The following TBC1D19 variants were observed in gnomAD, a reference collection of about 807,000 sequenced individuals.
TBC1D19 encodes the protein TBC1 domain family, member 19.
Under a neutral mutation model 89.0 loss-of-function variants are expected in TBC1D19, and 60 were observed. The observed-to-expected ratio is 0.67, with a 90% CI of 0.55 to 0.84. The LOEUF (loss-of-function observed/expected upper bound fraction) is 0.84, where lower values mean the gene tolerates loss of function less well. Ranked by LOEUF, TBC1D19 falls within the 40% of genes least tolerant of loss-of-function variation. The probability of loss-of-function intolerance (pLI) is 0.00; values close to 1 mark genes in which losing one functional copy is unlikely to be tolerated. For synonymous variants in TBC1D19, 189 were observed against 199.7 expected, an observed-to-expected ratio of 0.95 and a Z score of 0.45; for missense variants, 500 against 610.8, an observed-to-expected ratio of 0.82 and a Z score of 1.91.
At chr4:26,585,024 G>C in intron 1 of TBC1D19, 1 of 211,082 alleles carries the variant, frequency 4.7e-6, no homozygotes, top group South Asian at 5.7e-5. Context: ...AATGTACAAT[G>C]GCTTGTTTAT....
At chr4:26,793,792 G>C in the TBC1D19 span, among the ~76,000 whole-genome samples, 3 of 150,752 alleles carry the variant, frequency 2.0e-5, no homozygotes, top group Non-Finnish European at 4.4e-5. Flanking sequence ...TTTATTCTCA[G>C]ACTTCATTCT....
At chr4:26,643,954 T>A (rs1343016974) in intron 7 of TBC1D19, among the ~76,000 whole-genome samples, 1 of 151,838 alleles carries the variant, frequency 6.6e-6, no homozygotes, top group Non-Finnish European at 1.5e-5. Flanking sequence ...CCAAAAGAAG[T>A]CTATGACGAG....
chr4:26,646,108 G>A (rs1743922891), intron 7 of TBC1D19, among the ~76,000 whole-genome samples: 1 of 138,096 alleles, frequency 7.2e-6, no homozygotes, highest in Non-Finnish European at 1.5e-5. Flanking sequence ...GGGCGACAGA[G>A]CGAGACTCCG....
At chr4:26,855,364 A>G in the TBC1D19 span, among the ~76,000 whole-genome samples, 1 of 152,148 alleles carries the variant, frequency 6.6e-6, no homozygotes, top group African/African-American at 2.4e-5. Flanking sequence ...ACTCAAAACG[A>G]GCTCTTGTTT....
chr4:26,706,271 C>G (rs995263896), intron 13 of TBC1D19, among the ~76,000 whole-genome samples: 1 of 152,084 alleles, frequency 6.6e-6, no homozygotes, highest in Non-Finnish European at 1.5e-5. Flanking sequence ...CTTTGTGTTT[C>G]TAGAAATTTG....
the TBC1D19 span, among the ~76,000 whole-genome samples, chr4:26,777,562 C>T: frequency 6.6e-6 from 1 of 152,116 alleles, no homozygotes; most frequent in African/African-American, 2.4e-5. Context: ...CTTCAGCCTC[C>T]AGAGTAGCTG....
intron 3 of TBC1D19, among the ~76,000 whole-genome samples, chr4:26,620,191 C>T (rs1051965460): frequency 2.6e-5 from 4 of 152,134 alleles, no homozygotes; most frequent in African/African-American, 9.7e-5. Flanking sequence ...ATTCTTCCCC[C>T]AGATCTTTGC....
chr4:26,673,820 C>G lies in TBC1D19; in HGVS notation c.748C>G (p.Gln250Glu). ...DSAAAQQYIR[Q>E]GSPTALRAEL... ...TGCTGCTGCTCAACAGTACATCAGA[C>G]AAGGAAGTCCCACGGCACTGAGAGC... The change falls in exon 11 of 21, where the codon CAA becomes GAA. Residue 250 changes from glutamine (Q) to glutamate (E), a missense_variant. Gln to Glu is a conservative substitution (Grantham distance 29, BLOSUM62 2). Coordinates refer to ENST00000264866, the MANE Select transcript of TBC1D19 (RefSeq NM_018317.4). 6.2e-7 allele frequency: 1 copy of G among 1,611,096 alleles called. No homozygotes were observed. Among genetic ancestry groups the G allele is most frequent in the South Asian group, 1.1e-5 (1 of 90,854 alleles).
At chr4:26,777,339 T>C in the TBC1D19 span, among the ~76,000 whole-genome samples, 1 of 152,086 alleles carries the variant, frequency 6.6e-6, no homozygotes, top group Non-Finnish European at 1.5e-5. Context: ...TTCATCATAT[T>C]GGTCAGGTTG....
chr4:26,683,845 T>C (rs1713570602), intron 12 of TBC1D19, 96 bp downstream of exon 12: 7 of 964,298 alleles, frequency 7.3e-6, no homozygotes, highest in Non-Finnish European at 1.1e-5. Flanking sequence ...TGATATATAT[T>C]AACCTTGAAA....
chr4:26,661,818 A>G (rs1030459459), intron 8 of TBC1D19, among the ~76,000 whole-genome samples: 2 of 152,178 alleles, frequency 1.3e-5, no homozygotes, highest in African/African-American at 4.8e-5. Context: ...CAGCCATCCA[A>G]ATGCTACTTC....
rs1740851383 is a variant in TBC1D19, at chr4:26,604,535, C to T, written c.100-8634C>T. ...GATTTTTGTTTATCCATTTATCCAT[C>T]TATAGACATTTGGATTATTTCCACC... On this transcript the variant is annotated intron_variant, in intron 1 of 20. Transcript: ENST00000264866. 2.0e-5 allele frequency among the ~76,000 whole-genome samples: 3 copies of T among 151,612 alleles called. No homozygotes were observed. The South Asian group carries it at 6.2e-4, about 32-fold the overall frequency.
chr4:26,588,602 T>C (rs1206385374), intron 1 of TBC1D19, among the ~76,000 whole-genome samples: 2 of 152,166 alleles, frequency 1.3e-5, no homozygotes, highest in Non-Finnish European at 2.9e-5. Context: ...TAGGATATAG[T>C]CTATTGCCAT....
chr4:26,747,427 T>C (rs1484668643), intron 18 of TBC1D19, among the ~76,000 whole-genome samples: 1 of 152,234 alleles, frequency 6.6e-6, no homozygotes, highest in Non-Finnish European at 1.5e-5. Flanking sequence ...ACATGTACTT[T>C]GTTATATTAG....
intron 2 of TBC1D19, 122 bp from the exon 3 acceptor site, chr4:26,614,285 GT>G (rs1321124754): frequency 4.6e-6 from 3 of 650,296 alleles, no homozygotes; most frequent in African/African-American, 3.7e-5. Context: ...GGGATTGGCA[GT>G]TGACAAAATT....
At chr4:26,632,558 T>A (rs1052611338) in intron 4 of TBC1D19, among the ~76,000 whole-genome samples, 1 of 152,028 alleles carries the variant, frequency 6.6e-6, no homozygotes. Flanking sequence ...GAAGGGTTGG[T>A]CTTGCTGTCT....
At chr4:26,718,342 C>CT (rs56881657) in intron 14 of TBC1D19, among the ~76,000 whole-genome samples, 69,208 of 151,634 alleles carry the variant, frequency 0.46, 17,558 homozygotes, top group Admixed American at 0.6. Context: ...GCTTTTTCTA[C>CT]TTTTTTTAAC....
chr4:26,590,794 C>CTTTTTTT (rs1739720844), intron 1 of TBC1D19, among the ~76,000 whole-genome samples: 2 of 31,762 alleles, frequency 6.3e-5, no homozygotes, highest in African/African-American at 1.1e-4. Context: ...TCTTGCAGGT[C>CTTTTTTT]TGTTTTTTTT....
Position 26,584,282 on chromosome 4 carries a change from G to C in TBC1D19, c.89G>C (p.Arg30Pro). 1.2e-6 allele frequency: 2 copies of C among 1,609,822 alleles called. No individual in the cohort carries two copies. Among genetic ancestry groups the C allele is most frequent in the Middle Eastern group, 3.3e-4 (2 of 6,056 alleles). Residue 30 changes from arginine to proline, a missense_variant, in exon 1 of 21, where the codon CGG becomes CCG. Physicochemically the swap from Arg to Pro is moderately radical, Grantham distance 103. Around this residue, in one of 2 missense-constraint regions of TBC1D19, gnomAD observed 280 missense variants for 291.7 expected, o/e 0.96. Transcript: ENST00000264866. ...TCCAATTTGTACTCTCAGCTGGAAC[G>C]GCAGGCCTGGGTAAGTGAGGCCGAG... ...KGSNLYSQLERQAWASLQRPE... is the reference protein window; with the variant it reads ...KGSNLYSQLEPQAWASLQRPE...
Sources: allele counts gnomAD v4.1 joint callset (sites outside exome capture counted in the v4.1 genomes callset), GRCh38; gene constraint gnomAD v4.1.1; regional missense constraint gnomAD v4.1.1; transcripts MANE v1.5; gene names NCBI Gene and HGNC (gene_info 2026-07-23, HGNC 2026-07-21).